Variants in OTOP2 observed in about 807,000 individuals in gnomAD.
OTOP2 encodes otopetrin 2, also known as proton channel OTOP2.
OTOP2 carries 41 observed loss-of-function variants against 47.4 expected under a neutral mutation model. The ratio of observed to expected loss-of-function variants is 0.87; its 90% CI spans 0.67 to 1.12. The LOEUF is 1.12. Among genes scored for constraint, OTOP2 ranks in the 50% most tolerant of loss-of-function variants. OTOP2 has a pLI of 0.00. For missense variants in OTOP2, 721 were observed against 752.2 expected, an observed-to-expected ratio of 0.96 and a Z score of 0.49; for synonymous variants, 328 against 319.6, an observed-to-expected ratio of 1.03 and a Z score of -0.28.
At chr17:74,928,266 G>C (rs977688081) in intron 5 of OTOP2, among the ~76,000 whole-genome samples, 5 of 152,072 alleles carry the variant, frequency 3.3e-5, no homozygotes, top group African/African-American at 1.2e-4. Context: ...GATTGCTTGA[G>C]CCTGGGAGGT....
rs753728743 is a variant in OTOP2, at chr17:74,931,087, C to G, written c.1452C>G (p.Pro484=). 1.9e-6 allele frequency: 3 copies of G among 1,613,998 alleles called. No homozygotes were observed. Among genetic ancestry groups the G allele is most frequent in the Non-Finnish European group, 2.5e-6 (3 of 1,179,936 alleles). ...AAGCAGTGGCCATCGTCTCAACCCC[C>G]AGAAGCCAGTGGAGACGCCAGTGCC... ...QREAVAIVST[P]RSQWRRQCLK... The change falls in exon 6 of 7, where the codon CCC becomes CCG. Residue 484 remains proline, a synonymous_variant. Coordinates refer to ENST00000331427, the MANE Select transcript of OTOP2 (RefSeq NM_178160.3).
At chr17:74,926,449 G>T (rs1313336968) in intron 3 of OTOP2, among the ~76,000 whole-genome samples, 2 of 152,172 alleles carry the variant, frequency 1.3e-5, no homozygotes, top group East Asian at 3.8e-4. Flanking sequence ...GCAAGGCCTG[G>T]TACGGTGACA....
At position 74,924,667 on chromosome 17, in the gene OTOP2, GC is replaced by G. The variant is rs1038793108; in HGVS notation, c.41del (p.Pro14ArgfsTer24). 3.1e-5 allele frequency: 49 copies of G among 1,591,068 alleles called. No individual in the cohort carries two copies. The highest frequency in any genetic ancestry group is 3.8e-5 in the Non-Finnish European group (44 of 1,172,702). ...GAGCTGGCCCAGGGCCCCAAGGAGA[GC>G]CCCCCGGCGCCGCGTGCGGGCCCCA... ...SEELAQGPKESPPAPRAGPRE... is the reference protein window; with the variant it reads ...SEELAQGPKEXPPAPRAGPRE... On this transcript the variant is annotated frameshift_variant, in exon 2 of 7. Coordinates refer to ENST00000331427, the MANE Select transcript of OTOP2 (RefSeq NM_178160.3). LOFTEE classifies it high-confidence loss of function. The surrounding 1 kb of genome is among the most constrained non-coding windows in gnomAD (Gnocchi z 7.7).
At chr17:74,929,149 C>T (rs1294326543) in intron 5 of OTOP2, among the ~76,000 whole-genome samples, 1 of 152,178 alleles carries the variant, frequency 6.6e-6, no homozygotes, top group Non-Finnish European at 1.5e-5. Context: ...TGCCAAGGCC[C>T]AGAGTATCCT....
chr17:74,931,000 C>T lies in OTOP2; in HGVS notation c.1365C>T (p.His455=), dbSNP rs773621442. The change falls in exon 6 of 7, where the codon CAC becomes CAT. Residue 455 remains histidine (H), a synonymous_variant. Transcript: ENST00000331427. This position sits in a 1 kb window ranked among gnomAD's most constrained non-coding sequence, Gnocchi z 4.0. ...CCTTCACCAACCTGGATGCCCTCCA[C>T]ACGTTGTCCGCCTGCCCACCCAACC... ...DLTFTNLDAL[H]TLSACPPNPG... is the part of the protein sequence containing the mutation. 2.5e-6 allele frequency: 4 copies of T among 1,614,178 alleles called. No individual in the cohort carries two copies. The South Asian group carries it at 4.4e-5, about 18-fold the overall frequency.
rs1393998807 is a variant in OTOP2 at position 74,927,816 on chromosome 17, G to A, written c.643+18G>A. On this transcript the variant is annotated intron_variant, in intron 5 of 6. Transcript: ENST00000331427. ...CTCTGACCGTGAGTTTCCTCTTAATGCTGGCCCTGTGGCTACCAGGCCTTG... is the reference window on the plus strand; with the variant it reads ...CTCTGACCGTGAGTTTCCTCTTAATACTGGCCCTGTGGCTACCAGGCCTTG... 6.2e-7 allele frequency: 1 copy of A among 1,612,428 alleles called. No individual in the cohort carries two copies. The highest frequency in any genetic ancestry group is 1.7e-5 in the Admixed American group (1 of 59,712).
Position 74,924,785 on chromosome 17 carries a change from C to G in OTOP2, c.153C>G (p.Ala51=). Residue 51 remains alanine (A), a synonymous_variant, in exon 2 of 7, where the codon GCC becomes GCG. Transcript: ENST00000331427. The surrounding 1 kb of genome is among the most constrained non-coding windows in gnomAD (Gnocchi z 7.7). ...LLACTLISGG[A]FNKVAVYDTD... is the part of the protein sequence containing the mutation. ...CCTGCACGCTCATCAGCGGCGGAGC[C>G]TTCAACAAGGTGGCCGTGTACGACA... is the stretch of plus-strand genomic sequence containing the variant. 1 of 1,611,654 alleles carries G rather than the reference C, an allele frequency of 6.2e-7. No individual in the cohort carries two copies. The highest frequency in any genetic ancestry group is 8.5e-7 in the Non-Finnish European group (1 of 1,179,222).
intron 5 of OTOP2, among the ~76,000 whole-genome samples, chr17:74,928,880 C>A (rs944971030): frequency 1.3e-5 from 2 of 152,010 alleles, no homozygotes; most frequent in African/African-American, 2.4e-5. Context: ...TCAGGGAGAC[C>A]CCAGCCCAGC....
At chr17:74,925,753 C>G in intron 3 of OTOP2, 61 bp downstream of exon 3, 1 of 1,604,748 alleles carries the variant, frequency 6.2e-7, no homozygotes, top group Non-Finnish European at 8.5e-7. Context: ...TTGGGAAGGA[C>G]CCAACAAGGG....
rs2144767516 is a variant in OTOP2, at chr17:74,930,155, C to T, written c.644-124C>T. The T allele has an allele frequency of 1.8e-6, 2 of 1,106,878 alleles. No homozygotes were observed. Among genetic ancestry groups the T allele is most frequent in the East Asian group, 4.9e-5 (2 of 40,564 alleles). 68.6% of individuals were successfully genotyped at this position (1,106,878 alleles called of 1,614,324 possible). A position where few individuals can be genotyped will look rare whatever the true frequency, so the allele number is the denominator to read the frequency against. ...CCAAGATCACACCATTGCACTCCAGCCTGAGCATCAAGAGTGAAACTCCGT... is the reference window on the plus strand; with the variant it reads ...CCAAGATCACACCATTGCACTCCAGTCTGAGCATCAAGAGTGAAACTCCGT... On this transcript the variant is annotated intron_variant, in intron 5 of 6. Coordinates refer to ENST00000331427, the MANE Select transcript of OTOP2 (RefSeq NM_178160.3). This position sits in a 1 kb window ranked among gnomAD's most constrained non-coding sequence, Gnocchi z 4.0.
In OTOP2 at chr17:74,927,549, C is replaced by T. The variant is rs375470593; in HGVS notation, c.510-116C>T. On this transcript the variant is annotated intron_variant, in intron 4 of 6. Transcript: ENST00000331427. ...GCTGTGTTCCTACCAAAATCAGCTTCCCTGTTCACACAGGGCCTGGCTGCT... is the reference window on the plus strand; with the variant it reads ...GCTGTGTTCCTACCAAAATCAGCTTTCCTGTTCACACAGGGCCTGGCTGCT... 946 of 1,427,336 alleles carry T rather than the reference C, an allele frequency of 6.6e-4. 11 individuals carry two copies. The South Asian group carries it at 0.012, about 18-fold the overall frequency. 88.4% of individuals were successfully genotyped at this position (1,427,336 alleles called of 1,614,324 possible). A position where few individuals can be genotyped will look rare whatever the true frequency, so the allele number is the denominator to read the frequency against.
At chr17:74,925,039 G>C in intron 2 of OTOP2, 94 bp downstream of exon 2, 1 of 1,380,186 alleles carries the variant, frequency 7.2e-7, no homozygotes, top group Non-Finnish European at 9.6e-7. Context: ...ATTGACATAC[G>C]AGGGCGAGAG....
rs1567944168 is a variant in OTOP2 at position 74,927,245 on chromosome 17, C to A, written c.473C>A (p.Ala158Asp). ...CAGACCTACTTTCTCTGGGTCTCTG[C>A]TAAAGACTGCGTTCACGTCCACCTG... The part of the protein sequence containing the change: ...IIQTYFLWVS[A>D]KDCVHVHLDL... Residue 158 changes from alanine (A) to aspartate (D), a missense_variant, in exon 4 of 7, where the codon GCT becomes GAT. Physicochemically the swap from Ala to Asp is moderately radical, Grantham distance 126. Transcript: ENST00000331427. The A allele has an allele frequency of 6.2e-7, 1 of 1,613,614 alleles. No individual in the cohort carries two copies.
chr17:74,927,535 AC>A, intron 4 of OTOP2, 129 bp from the exon 5 acceptor site: 1 of 1,354,794 alleles, frequency 7.4e-7, no homozygotes, highest in East Asian at 2.3e-5. Flanking sequence ...CTGTGTTCCT[AC>A]CAAAATCAGC....
chr17:74,924,679 C>A lies in OTOP2; in HGVS notation c.47C>A (p.Pro16Gln), dbSNP rs1344646691. 2 of 1,596,836 alleles carry A rather than the reference C, an allele frequency of 1.3e-6. No homozygotes were observed. Among genetic ancestry groups the A allele is most frequent in the East Asian group, 4.5e-5 (2 of 44,446 alleles). Reference sequence around the variant, plus strand: ...GGCCCCAAGGAGAGCCCCCCGGCGCCGCGTGCGGGCCCCAGGGAGGTGTGG... The same window carrying A: ...GGCCCCAAGGAGAGCCCCCCGGCGCAGCGTGCGGGCCCCAGGGAGGTGTGG... Reference protein sequence around the residue: ...AQGPKESPPAPRAGPREVWKK... With the variant: ...AQGPKESPPAQRAGPREVWKK... Residue 16 changes from proline to glutamine, a missense_variant, in exon 2 of 7, where the codon CCG becomes CAG. Pro to Gln is a moderately conservative substitution (Grantham distance 76). Transcript: ENST00000331427. This position sits in a 1 kb window ranked among gnomAD's most constrained non-coding sequence, Gnocchi z 7.7.
chr17:74,927,414 T>G, intron 4 of OTOP2, 133 bp downstream of exon 4: 1 of 1,171,574 alleles, frequency 8.5e-7, no homozygotes, highest in Non-Finnish European at 1.3e-6. Flanking sequence ...CCCTCCTTGC[T>G]TTGTCAGGCT....
At chr17:74,926,686 T>C (rs558938689) in intron 3 of OTOP2, among the ~76,000 whole-genome samples, 1 of 152,076 alleles carries the variant, frequency 6.6e-6, no homozygotes, top group Non-Finnish European at 1.5e-5. Flanking sequence ...GGAGAACCAC[T>C]ATTTTATACA....
Position 74,933,001 on chromosome 17 carries a change from C to T in OTOP2, c.1519-374C>T, listed in dbSNP as rs2039073221. Among the ~76,000 whole-genome samples, 1 of 151,972 alleles carries T rather than the reference C, an allele frequency of 6.6e-6. No homozygotes were observed. The highest frequency in any genetic ancestry group is 2.1e-4 in the South Asian group (1 of 4,824). On this transcript the variant is annotated intron_variant, in intron 6 of 6. Transcript: ENST00000331427. This position sits in a 1 kb window ranked among gnomAD's most constrained non-coding sequence, Gnocchi z 4.7. ...GCCTATCTGATTCTGCCACCCCCAC[C>T]CCTGTGCACAAAACCCCCCAGGACA... is the stretch of plus-strand genomic sequence containing the variant.
intron 5 of OTOP2, among the ~76,000 whole-genome samples, chr17:74,929,956 G>A (rs2039040204): frequency 1.3e-5 from 2 of 152,182 alleles, no homozygotes; most frequent in Non-Finnish European, 2.9e-5. Context: ...GCCGAGGCAA[G>A]CAGATCACCT....
Sources: gnomAD v4.1 joint callset for allele counts (sites outside exome capture counted in the v4.1 genomes callset) on GRCh38, gnomAD v4.1.1 for gene constraint, Gnocchi (gnomAD v3.1) non-coding constraint, MANE v1.5 for transcripts, NCBI Gene and HGNC (gene_info 2026-07-23, HGNC 2026-07-21) for gene names.